Variants in TDO2 observed in about 807,000 individuals in gnomAD.
The protein encoded by TDO2 is tryptamin 2,3-dioxygenase.
A neutral mutation model predicts 61.2 loss-of-function variants in TDO2; 63 were observed. The observed-to-expected ratio is 1.03, with a 90% CI of 0.84 to 1.27. TDO2 has a LOEUF of 1.27. Among genes scored for constraint, TDO2 ranks in the 50% most tolerant of loss-of-function variants. TDO2 has a pLI of 0.00. For synonymous variants in TDO2, 183 were observed against 164.0 expected (o/e 1.12, Z -0.89); for missense variants, 494 against 469.5 (o/e 1.05, Z -0.48).
chr4:155,917,872 G>A (rs1344511573), intron 10 of TDO2, among the ~76,000 whole-genome samples: 2 of 151,940 alleles, frequency 1.3e-5, no homozygotes, highest in Non-Finnish European at 2.9e-5. Flanking sequence ...AAGGTGGCAT[G>A]GACTCATGAG....
intron 9 of TDO2, among the ~76,000 whole-genome samples, chr4:155,916,214 C>T (rs1742930993): frequency 2.3e-5 from 3 of 129,416 alleles, no homozygotes; most frequent in Admixed American, 1.8e-4. Flanking sequence ...GTGGCCCAGG[C>T]GGGAGTGCAG....
Position 155,905,063 on chromosome 4 carries a change from C to T in TDO2, c.142-4C>T, listed in dbSNP as rs913727470. On this transcript the variant is annotated splice_polypyrimidine_tract_variant and splice_region_variant and intron_variant, in intron 2 of 11. Coordinates refer to ENST00000536354, the MANE Select transcript of TDO2 (RefSeq NM_005651.4). ...CAGACAGGCTTTTTATTTTTCATTT[C>T]AAGTTGGAAAAAGTTTTGAATGCAC... 6.3e-7 allele frequency: 1 copy of T among 1,574,842 alleles called. No homozygotes were observed. Among genetic ancestry groups the T allele is most frequent in the East Asian group, 2.3e-5 (1 of 43,582 alleles).
At chr4:155,918,976 A>C (rs927931542) in intron 11 of TDO2, 1 of 152,210 alleles carries the variant, frequency 6.6e-6, no homozygotes, top group Non-Finnish European at 1.5e-5. Context: ...TCTGAAATAC[A>C]CAGGTTTAAA....
Position 155,911,500 on chromosome 4 carries a change from T to A in TDO2, c.622T>A (p.Trp208Arg). 6.2e-7 allele frequency: 1 copy of A among 1,604,302 alleles called. No homozygotes were observed. The highest frequency in any genetic ancestry group is 8.5e-7 in the Non-Finnish European group (1 of 1,174,928). The change falls in exon 7 of 12, where the codon TGG (tryptophan) becomes AGG (arginine). Residue 208 changes from tryptophan (W) to arginine (R), a missense_variant. Transcript: ENST00000536354. ...EKTLLELVEA[W>R]LERTPGLEPH... is the part of the protein sequence containing the mutation. ...TAAAAAATAATGTTTATTTAAGGCA[T>A]GGCTGGAAAGAACTCCAGGTTTAGA... is the stretch of plus-strand genomic sequence containing the variant.
At chr4:155,917,878 A>C (rs1742971684) in intron 10 of TDO2, among the ~76,000 whole-genome samples, 1 of 152,112 alleles carries the variant, frequency 6.6e-6, no homozygotes, top group African/African-American at 2.4e-5. Flanking sequence ...GCATGGACTC[A>C]TGAGTCATAT....
intron 4 of TDO2, among the ~76,000 whole-genome samples, chr4:155,908,403 C>T (rs756768068): frequency 1.3e-5 from 2 of 148,714 alleles, no homozygotes; most frequent in African/African-American, 4.9e-5. Context: ...CCTCTGAGCC[C>T]CTGCTCCAAG....
intron 4 of TDO2, among the ~76,000 whole-genome samples, chr4:155,908,299 C>T (rs1170483104): frequency 6.6e-6 from 1 of 151,960 alleles, no homozygotes; most frequent in Non-Finnish European, 1.5e-5. Flanking sequence ...GGAGGGAAAG[C>T]TTCCAGTGAC....
intron 7 of TDO2, 121 bp downstream of exon 7, chr4:155,911,725 T>A: frequency 1.6e-6 from 1 of 642,738 alleles, no homozygotes; most frequent in Non-Finnish European, 2.5e-6. Context: ...TAGACAAATG[T>A]ATTTTCTTGG....
At chr4:155,911,683 CTT>C in intron 7 of TDO2, 79 bp downstream of exon 7, 1 of 1,031,086 alleles carries the variant, frequency 9.7e-7, no homozygotes, top group Non-Finnish European at 1.3e-6. Flanking sequence ...TTGCTTTTCT[CTT>C]AACCTTTTCT....
chr4:155,919,046 A>G (rs1742996415), intron 11 of TDO2, among the ~76,000 whole-genome samples: 1 of 152,204 alleles, frequency 6.6e-6, no homozygotes, highest in Admixed American at 6.5e-5. Context: ...AGCACAAAAC[A>G]GTTGATAACT....
chr4:155,910,985 T>G (rs564968805), intron 6 of TDO2, among the ~76,000 whole-genome samples: 17 of 152,194 alleles, frequency 1.1e-4, no homozygotes, highest in African/African-American at 3.8e-4. Context: ...ATTTCTAGAT[T>G]TAAAAACATT....
intron 3 of TDO2, chr4:155,906,319 G>A (rs1579325678): frequency 1.3e-5 from 2 of 152,016 alleles, no homozygotes; most frequent in African/African-American, 4.8e-5. Flanking sequence ...TGTAGGCAGT[G>A]GTTACATAGG....
intron 5 of TDO2, among the ~76,000 whole-genome samples, chr4:155,909,760 T>C (rs935294499): frequency 6.6e-6 from 1 of 151,756 alleles, no homozygotes; most frequent in African/African-American, 2.4e-5. Context: ...AGAGTAAAAC[T>C]GACAGTCTCT....
chr4:155,910,158 A>T lies in TDO2; in HGVS notation c.565A>T (p.Asn189Tyr). ...TCGTGATAACTTCAAAGGAGAAGAA[A>T]ATGAACTGCTACTTAAATCTGAGCA... ...HYRDNFKGEE[N>Y]ELLLKSEQEK... The change falls in exon 6 of 12, where the codon AAT (asparagine) becomes TAT (tyrosine). Residue 189 changes from asparagine (N) to tyrosine (Y), a missense_variant. Physicochemically the swap from Asn to Tyr is moderately radical, Grantham distance 143. Coordinates refer to ENST00000536354, the MANE Select transcript of TDO2 (RefSeq NM_005651.4). The T allele has an allele frequency of 6.3e-7, 1 of 1,597,436 alleles. No homozygotes were observed. Among genetic ancestry groups the T allele is most frequent in the Non-Finnish European group, 8.5e-7 (1 of 1,174,342 alleles).
chr4:155,909,310 T>C (rs1742775954), intron 5 of TDO2, among the ~76,000 whole-genome samples: 1 of 152,144 alleles, frequency 6.6e-6, no homozygotes, highest in South Asian at 2.1e-4. Context: ...AAATAGCTAA[T>C]AAAATACATG....
chr4:155,918,166 G>A lies in TDO2; in HGVS notation c.994G>A (p.Val332Met), dbSNP rs199624861. 1.2e-5 allele frequency: 20 copies of A among 1,614,056 alleles called. No individual in the cohort carries two copies. In the Admixed American group the frequency reaches 2.2e-4, roughly 17 times the overall value. ...TKWRYNHVCM[V>M]HRMLGSKAGT... ...TTGCCTAGATAACCATGTGTGCATG[G>A]TGCACAGAATGCTGGGCAGCAAAGC... Residue 332 changes from valine (V) to methionine (M), a missense_variant, in exon 11 of 12, where the codon GTG (valine) becomes ATG (methionine). Transcript: ENST00000536354.
intron 5 of TDO2, among the ~76,000 whole-genome samples, 163 bp from the exon 6 acceptor site, chr4:155,909,862 T>C (rs1742785894): frequency 1.1e-5 from 1 of 88,754 alleles, no homozygotes; most frequent in Non-Finnish European, 2.5e-5. Flanking sequence ...TCCTCTCCTC[T>C]CCTCTGGACT....
In TDO2 at chr4:155,907,593, A is replaced by G. The variant is rs548879119; in HGVS notation, c.233-129A>G. 8 of 632,460 alleles carry G rather than the reference A, an allele frequency of 1.3e-5. No individual in the cohort carries two copies. In the African/African-American group the frequency reaches 1.3e-4, roughly 10 times the overall value. 39.2% of individuals were successfully genotyped at this position (632,460 alleles called of 1,614,324 possible). Reference sequence around the variant, plus strand: ...TTTATTTCTGGCACACAATGGGACTATATTTACATTTATTGATTTTAAGGT... The same window carrying G: ...TTTATTTCTGGCACACAATGGGACTGTATTTACATTTATTGATTTTAAGGT... On this transcript the variant is annotated intron_variant, in intron 3 of 11. Transcript: ENST00000536354.
At position 155,911,582 on chromosome 4, in the gene TDO2, A is replaced by G; in HGVS notation, c.704A>G (p.Glu235Gly). 1.3e-6 allele frequency: 2 copies of G among 1,589,292 alleles called. No individual in the cohort carries two copies. Among genetic ancestry groups the G allele is most frequent in the Non-Finnish European group, 8.6e-7 (1 of 1,166,604 alleles). The change falls in exon 7 of 12, where the codon GAA becomes GGA. Residue 235 changes from glutamate (E) to glycine (G), a missense_variant. Coordinates refer to ENST00000536354, the MANE Select transcript of TDO2 (RefSeq NM_005651.4). ...GAAAAAAATATCACCAGAGGCCTGG[A>G]AGAGGAATTCATAAGGATTCAGGTA... ...KLEKNITRGL[E>G]EEFIRIQAKE...
Sources: gnomAD v4.1 joint callset for allele counts (sites outside exome capture counted in the v4.1 genomes callset) on GRCh38, gnomAD v4.1.1 for gene constraint, MANE v1.5 for transcripts, NCBI Gene and HGNC (gene_info 2026-07-23, HGNC 2026-07-21) for gene names.